The following PTPRS variants were observed in gnomAD, a reference collection of about 807,000 sequenced individuals.
PTPRS encodes receptor-type tyrosine-protein phosphatase S.
PTPRS carries 63 observed loss-of-function variants against 215.3 expected under a neutral mutation model. The ratio of observed to expected loss-of-function variants is 0.29; its 90% CI spans 0.24 to 0.36. PTPRS has a LOEUF of 0.36. Among genes scored for constraint, PTPRS ranks in the 10% least tolerant of loss-of-function variants. The pLI is 1.00. For synonymous variants in PTPRS, 1,404 were observed against 1,191.4 expected (o/e 1.18, Z -3.68); for missense variants, 2,258 against 2,825.8 (o/e 0.80, Z 4.56).
At chr19:5,315,074 A>G (rs1370950510) in intron 1 of PTPRS, among the ~76,000 whole-genome samples, 1 of 152,112 alleles carries the variant, frequency 6.6e-6, no homozygotes, top group Non-Finnish European at 1.5e-5. Context: ...GCTTTTGCCC[A>G]TGCTGTTCCA....
intron 7 of PTPRS, 132 bp downstream of exon 7, chr19:5,260,673 T>C: frequency 2.5e-6 from 3 of 1,218,106 alleles, no homozygotes; most frequent in Non-Finnish European, 3.6e-6. Flanking sequence ...GGACTAACAC[T>C]GGGTGGAACA....
intron 1 of PTPRS, among the ~76,000 whole-genome samples, chr19:5,308,832 C>G (rs2049590346): frequency 6.6e-6 from 1 of 152,202 alleles, no homozygotes; most frequent in Non-Finnish European, 1.5e-5. Context: ...CAATGCCTGG[C>G]CAAGCGCAAG....
chr19:5,325,347 C>T (rs893135666), intron 1 of PTPRS, among the ~76,000 whole-genome samples: 2 of 152,236 alleles, frequency 1.3e-5, no homozygotes, highest in African/African-American at 4.8e-5. Flanking sequence ...TGGCCATGTG[C>T]CCAGATAAAA....
intron 2 of PTPRS, among the ~76,000 whole-genome samples, chr19:5,276,104 C>G (rs2047336958): frequency 6.6e-6 from 1 of 152,250 alleles, no homozygotes; most frequent in African/African-American, 2.4e-5. Flanking sequence ...CAGGCGGTGG[C>G]TGAGCTGAAC....
intron 33 of PTPRS, among the ~76,000 whole-genome samples, chr19:5,211,180 T>C (rs924133006): frequency 1.3e-5 from 2 of 152,312 alleles, no homozygotes; most frequent in Middle Eastern, 3.4e-3. Flanking sequence ...TCCCCTCCTT[T>C]GCCAGGATTT....
At chr19:5,252,446 A>T (rs1430996611) in intron 9 of PTPRS, among the ~76,000 whole-genome samples, 1 of 151,838 alleles carries the variant, frequency 6.6e-6, no homozygotes, top group Non-Finnish European at 1.5e-5. Flanking sequence ...GCGTGGTGCC[A>T]GGTGCCTGTA....
At chr19:5,218,559 C>G (rs768552969) in intron 24 of PTPRS, 27 bp from the exon 25 acceptor site, 6 of 1,605,722 alleles carry the variant, frequency 3.7e-6, no homozygotes, top group Admixed American at 3.3e-5. Flanking sequence ...CGGAACAGTC[C>G]AGTTAGTAGT....
chr19:5,295,885 G>A lies in PTPRS; in HGVS notation c.-94-9651C>T, dbSNP rs934489880. On this transcript the variant is annotated intron_variant, in intron 1 of 37. Transcript: ENST00000262963. This position sits in a 1 kb window ranked among gnomAD's most constrained non-coding sequence, Gnocchi z 4.6. ...TCCTCCCACCTCAGCCTCCTGAGTAGCTTGGACTACAGGCACATGCCACCA... is the reference window on the plus strand; with the variant it reads ...TCCTCCCACCTCAGCCTCCTGAGTAACTTGGACTACAGGCACATGCCACCA... 6.6e-6 allele frequency among the ~76,000 whole-genome samples: 1 copy of A among 152,112 alleles called. No homozygotes were observed. The highest frequency in any genetic ancestry group is 1.5e-5 in the Non-Finnish European group (1 of 68,016).
intron 1 of PTPRS, among the ~76,000 whole-genome samples, chr19:5,326,048 T>C (rs1041496234): frequency 2.6e-5 from 4 of 152,088 alleles, no homozygotes; most frequent in Non-Finnish European, 5.9e-5. Context: ...CTGGCCAACA[T>C]GGTGAAACGC....
chr19:5,238,898 G>C (rs2043724620), intron 13 of PTPRS, 21 bp downstream of exon 13: 1 of 1,570,694 alleles, frequency 6.4e-7, no homozygotes, highest in Non-Finnish European at 8.6e-7. Context: ...GCAGAGAAGG[G>C]CGGCCCCGCG....
chr19:5,219,199 C>T (rs1250173001), intron 23 of PTPRS, 111 bp downstream of exon 23: 2 of 1,428,646 alleles, frequency 1.4e-6, no homozygotes, highest in Non-Finnish European at 1.9e-6. Context: ...TTCGGTTTCC[C>T]CATGTGTACA....
intron 5 of PTPRS, among the ~76,000 whole-genome samples, chr19:5,264,244 G>T (rs2046242655): frequency 6.6e-6 from 1 of 152,044 alleles, no homozygotes; most frequent in South Asian, 2.1e-4. Context: ...GTCACCTCTG[G>T]ACACCTGCCA....
chr19:5,313,867 C>A (rs2049787139), intron 1 of PTPRS, among the ~76,000 whole-genome samples: 1 of 152,106 alleles, frequency 6.6e-6, no homozygotes, highest in African/African-American at 2.4e-5. Context: ...GAGCCTGAGG[C>A]AGGCGGACTG....
chr19:5,275,075 T>C (rs1219115742), intron 2 of PTPRS, among the ~76,000 whole-genome samples: 1 of 11,156 alleles, frequency 9.0e-5, no homozygotes, highest in Non-Finnish European at 1.5e-4. Flanking sequence ...TTTCTTTTCT[T>C]TTTTTTTTTT....
In PTPRS at chr19:5,280,441, G is replaced by A. The variant is rs550573051; in HGVS notation, c.91+5609C>T. On this transcript the variant is annotated intron_variant, in intron 2 of 37. Coordinates refer to ENST00000262963, the MANE Select transcript of PTPRS (RefSeq NM_002850.4). ...GTCCCAAAAGTCACTAGACCTGGCC[G>A]GGCGTGGTGGCTCATGCCTGTAATC... is the stretch of plus-strand genomic sequence containing the variant. Among the ~76,000 whole-genome samples the A allele has an allele frequency of 9.5e-4, 144 of 152,234 alleles. No homozygotes were observed. The Middle Eastern group carries it at 0.01, about 11-fold the overall frequency.
chr19:5,233,946 CAAAAAAAAAAAAAAAAAAAA>C (rs57529862), intron 13 of PTPRS, among the ~76,000 whole-genome samples: 1 of 27,760 alleles, frequency 3.6e-5, no homozygotes, highest in African/African-American at 1.4e-4. Flanking sequence ...ACTCCATCTC[CAAAAAAAAAAAAAAAAAAAA>C]AAAAAAAAAA....
rs778688330 is a variant in PTPRS at position 5,222,831 on chromosome 19, A to C, written c.2961T>G (p.Ala987=). 15 of 1,594,782 alleles carry C rather than the reference A, an allele frequency of 9.4e-6. No homozygotes were observed. The South Asian group carries it at 1.5e-4, about 16-fold the overall frequency. Residue 987 remains alanine, a synonymous_variant, in exon 18 of 38, where the codon GCT becomes GCG. Transcript: ENST00000262963. ...TGAGCGCGTTCTCCGCGCCCGGCTC[A>C]GCCGCTGCCGGCAGCTCAGTCTCTC... ...PARETELPAA[A]EPGAENALTL...
In PTPRS at chr19:5,260,719, C is replaced by A. The variant is rs904261725; in HGVS notation, c.595+86G>T. ...CAGGGTGGACACGCATGGAAGGGGG[C>A]CTGGGGGCAGGCCCTGTGGAGCCTG... On this transcript the variant is annotated intron_variant, in intron 7 of 37. Coordinates refer to ENST00000262963, the MANE Select transcript of PTPRS (RefSeq NM_002850.4). 16 of 1,540,578 alleles carry A rather than the reference C, an allele frequency of 1.0e-5. No individual in the cohort carries two copies. The African/African-American group carries it at 1.4e-4, about 13-fold the overall frequency.
chr19:5,220,511 T>G (rs1428483654), intron 20 of PTPRS, among the ~76,000 whole-genome samples, 158 bp from the exon 21 acceptor site: 1 of 152,224 alleles, frequency 6.6e-6, no homozygotes, highest in African/African-American at 2.4e-5. Flanking sequence ...CCACAGTTGC[T>G]GACTCAGGCC....
Sources: gnomAD v4.1 joint callset for allele counts (sites outside exome capture counted in the v4.1 genomes callset) on GRCh38, gnomAD v4.1.1 for gene constraint, Gnocchi (gnomAD v3.1) non-coding constraint, MANE v1.5 for transcripts, NCBI Gene and HGNC (gene_info 2026-07-23, HGNC 2026-07-21) for gene names.